Variants in GSE1 observed in about 807,000 individuals in gnomAD.
GSE1 encodes genetic suppressor element 1.
A neutral mutation model predicts 112.6 loss-of-function variants in GSE1; 32 were observed. The ratio of observed to expected loss-of-function variants is 0.28; its 90% CI spans 0.21 to 0.38. The LOEUF is 0.38. Among genes scored for constraint, GSE1 ranks in the 10% least tolerant of loss-of-function variants. GSE1 has a pLI of 1.00. For missense variants in GSE1, 2,348 were observed against 1,699.2 expected (o/e 1.38, Z -6.71); for synonymous variants, 1,115 against 735.6 (o/e 1.52, Z -8.35).
chr16:85,482,977 C>CAA (rs3054201), intron 2 of GSE1, among the ~76,000 whole-genome samples: 11 of 48,288 alleles, frequency 2.3e-4, no homozygotes, highest in African/African-American at 7.1e-4. Context: ...GACTCCGTCT[C>CAA]AAAAAAAAAA....
intron 2 of GSE1, among the ~76,000 whole-genome samples, chr16:85,527,456 A>G (rs2052400460): frequency 6.6e-6 from 1 of 152,270 alleles, no homozygotes; most frequent in South Asian, 2.1e-4. Flanking sequence ...GACAAAGGCC[A>G]CATGCCCAGA....
intron 2 of GSE1, among the ~76,000 whole-genome samples, chr16:85,360,234 T>A (rs1417754806): frequency 6.6e-6 from 1 of 151,464 alleles, no homozygotes; most frequent in Admixed American, 6.6e-5. Context: ...CACTGCGTAC[T>A]AGCGGGGTAC....
intron 2 of GSE1, among the ~76,000 whole-genome samples, chr16:85,475,873 C>T (rs900448325): frequency 6.6e-6 from 1 of 151,564 alleles, no homozygotes; most frequent in African/African-American, 2.4e-5. Context: ...ATCGTTCCAC[C>T]TCAGCCTCCC....
chr16:85,656,551 G>T lies in GSE1; in HGVS notation c.1198G>T (p.Ala400Ser). The T allele has an allele frequency of 6.5e-7, 1 of 1,548,542 alleles. No individual in the cohort carries two copies. The highest frequency in any genetic ancestry group is 8.7e-7 in the Non-Finnish European group (1 of 1,146,368). Residue 400 changes from alanine (A) to serine (S), a missense_variant, in exon 7 of 16, where the codon GCC (alanine) becomes TCC (serine). Coordinates refer to ENST00000253458, the MANE Select transcript of GSE1 (RefSeq NM_014615.5). ...EQRAREKELL[A>S]AKALEPSFLP... Reference sequence around the variant, plus strand: ...GCGGGCCCGGGAGAAGGAGCTGCTGGCCGCCAAGGCCCTGGAGCCCAGCTT... The same window carrying T: ...GCGGGCCCGGGAGAAGGAGCTGCTGTCCGCCAAGGCCCTGGAGCCCAGCTT...
intron 1 of GSE1, among the ~76,000 whole-genome samples, chr16:85,184,697 G>GT (rs1321469869): frequency 6.6e-6 from 1 of 151,726 alleles, no homozygotes; most frequent in Non-Finnish European, 1.5e-5. Flanking sequence ...TTTCCCTTGT[G>GT]TTTTTTTTCT....
At position 85,308,865 on chromosome 16, in the gene GSE1, A is replaced by G. The variant is rs528282876; in HGVS notation, c.2284-48598A>G. 4.7e-5 allele frequency among the ~76,000 whole-genome samples: 7 copies of G among 147,980 alleles called. No individual in the cohort carries two copies. In the East Asian group the frequency reaches 1.2e-3, roughly 25 times the overall value. On this transcript the variant is annotated intron_variant, in intron 1 of 2. Coordinates refer to the GSE1 transcript ENST00000637419. Reference sequence around the variant, plus strand: ...ATGACCCACAGGAGAAATTCCTCCCAGCTTGGGACTGTGCTATCTCGGATG... The same window carrying G: ...ATGACCCACAGGAGAAATTCCTCCCGGCTTGGGACTGTGCTATCTCGGATG...
intron 1 of GSE1, among the ~76,000 whole-genome samples, chr16:85,261,142 C>G (rs1157369902): frequency 1.3e-5 from 2 of 152,226 alleles, no homozygotes; most frequent in African/African-American, 2.4e-5. Context: ...TGCCCAGGGT[C>G]TGGGCCATTT....
At chr16:85,619,644 G>C (rs192632807) in intron 1 of GSE1, among the ~76,000 whole-genome samples, 243 of 152,342 alleles carry the variant, frequency 1.6e-3, no homozygotes, top group African/African-American at 5.4e-3. Context: ...TTAGTAACCA[G>C]ATGGGAAAGA....
chr16:85,546,582 A>G (rs2044710030), intron 2 of GSE1, among the ~76,000 whole-genome samples: 1 of 152,254 alleles, frequency 6.6e-6, no homozygotes, highest in South Asian at 2.1e-4. Context: ...TGCTGGCTTC[A>G]GTATCTGTAC....
chr16:85,657,542 C>T lies in GSE1; in HGVS notation c.1578C>T (p.His526=). Residue 526 remains histidine, a synonymous_variant, in exon 8 of 16, where the codon CAC becomes CAT. Transcript: ENST00000253458. ...SEFRQQVLEQ[H]LDMGRPPVPA... ...TCCGGCAGCAGGTGCTGGAGCAGCA[C>T]CTGGATATGGGCCGGCCCCCGGTGC... The T allele has an allele frequency of 6.3e-7, 1 of 1,599,764 alleles. No individual in the cohort carries two copies. The highest frequency in any genetic ancestry group is 8.5e-7 in the Non-Finnish European group (1 of 1,172,840).
intron 2 of GSE1, among the ~76,000 whole-genome samples, chr16:85,444,928 C>A (rs116702529): frequency 0.048 from 7,269 of 152,272 alleles, 584 homozygotes; most frequent in African/African-American, 0.17. Flanking sequence ...GTGCCTCCCC[C>A]GCCTCCCCAC....
At chr16:85,605,277 A>G (rs761138540) in intron 1 of GSE1, among the ~76,000 whole-genome samples, 1 of 151,800 alleles carries the variant, frequency 6.6e-6, no homozygotes, top group Non-Finnish European at 1.5e-5. Context: ...GTGACATTCC[A>G]AGGCCTCTCC....
intron 2 of GSE1, among the ~76,000 whole-genome samples, chr16:85,507,395 C>T (rs752339124): frequency 1.1e-3 from 165 of 152,268 alleles, no homozygotes; most frequent in South Asian, 1.2e-3. Flanking sequence ...GCTCCTGGGC[C>T]GGGGTGGGGA....
chr16:85,618,610 C>G (rs1361187255), intron 1 of GSE1, among the ~76,000 whole-genome samples: 3 of 152,226 alleles, frequency 2.0e-5, no homozygotes, highest in African/African-American at 7.2e-5. Context: ...ACCAAGTGCC[C>G]AGTACAGCAC....
chr16:85,653,070 C>A (rs1212826368), intron 3 of GSE1, among the ~76,000 whole-genome samples: 1 of 150,596 alleles, frequency 6.6e-6, no homozygotes, highest in Non-Finnish European at 1.5e-5. Context: ...GCTGTCCCCA[C>A]ATGGGGAAGA....
chr16:85,249,563 A>T (rs1259780769), intron 1 of GSE1, among the ~76,000 whole-genome samples: 4 of 152,154 alleles, frequency 2.6e-5, no homozygotes, highest in African/African-American at 9.6e-5. Context: ...CAGCACCAAG[A>T]CTTCTCACGG....
chr16:85,440,357 G>A (rs917320671), intron 2 of GSE1, among the ~76,000 whole-genome samples: 2 of 152,198 alleles, frequency 1.3e-5, no homozygotes, highest in African/African-American at 4.8e-5. Context: ...TCCTTGTACC[G>A]TGTTCCTTTC....
chr16:85,288,672 G>A (rs1026897705), intron 1 of GSE1, among the ~76,000 whole-genome samples: 1 of 152,350 alleles, frequency 6.6e-6, no homozygotes, highest in Non-Finnish European at 1.5e-5. Context: ...TGGGGGCTGG[G>A]GTGCATAGAG....
intron 2 of GSE1, among the ~76,000 whole-genome samples, chr16:85,535,570 G>A (rs558474322): frequency 3.3e-5 from 5 of 152,220 alleles, no homozygotes; most frequent in East Asian, 1.9e-4. Flanking sequence ...CAAAGCCACC[G>A]CGGCCCTCTG....
Sources: allele counts gnomAD v4.1 joint callset (sites outside exome capture counted in the v4.1 genomes callset), GRCh38; gene constraint gnomAD v4.1.1; transcripts MANE v1.5; gene names NCBI Gene and HGNC (gene_info 2026-07-23, HGNC 2026-07-21).